CADM1: variants seen among roughly 807,000 people sequenced by gnomAD.
CADM1 encodes cell adhesion molecule 1.
A neutral mutation model predicts 53.1 loss-of-function variants in CADM1; 15 were observed. The ratio of observed to expected loss-of-function variants is 0.28; its 90% confidence interval spans 0.19 to 0.44. CADM1 has a LOEUF of 0.44. CADM1 is among the 20% of genes least tolerant of loss of function. CADM1 has a pLI of 1.00. For synonymous variants in CADM1, 281 were observed against 243.0 expected (o/e 1.16, Z -1.45); for missense variants, 434 against 611.3 (o/e 0.71, Z 3.06).
intron 1 of CADM1, among the ~76,000 whole-genome samples, chr11:115,383,131 T>C (rs1351899018): frequency 6.6e-6 from 1 of 152,212 alleles, no homozygotes; most frequent in Non-Finnish European, 1.5e-5. Context: ...ATGATTCTTC[T>C]ATAACATTTT....
intron 1 of CADM1, among the ~76,000 whole-genome samples, chr11:115,488,635 T>TGCCTACACATGAAATCTCTCCCC (rs1949429300): frequency 3.9e-5 from 6 of 152,244 alleles, no homozygotes; most frequent in Admixed American, 2.0e-4. Context: ...ATACTCTCTC[T>TGCCTACACATGAAATCTCTCCCC]GCCTACACAT....
intron 1 of CADM1, among the ~76,000 whole-genome samples, chr11:115,473,170 G>A (rs994478241): frequency 3.9e-5 from 6 of 152,218 alleles, no homozygotes; most frequent in Admixed American, 1.3e-4. Context: ...GGTTTAAAAA[G>A]TAAGCAGGCC....
chr11:115,494,356 T>TA (rs1394066327), intron 1 of CADM1, among the ~76,000 whole-genome samples: 1 of 152,204 alleles, frequency 6.6e-6, no homozygotes, highest in Non-Finnish European at 1.5e-5. Context: ...AAGTCATTTT[T>TA]AAATGCTCAT....
At chr11:115,345,028 G>A (rs1244341846) in intron 1 of CADM1, among the ~76,000 whole-genome samples, 1 of 151,934 alleles carries the variant, frequency 6.6e-6, no homozygotes, top group African/African-American at 2.4e-5. Context: ...CAAAGTATTC[G>A]GCAGAATCCC....
chr11:115,495,514 T>C (rs1055714125), intron 1 of CADM1, among the ~76,000 whole-genome samples: 4 of 152,198 alleles, frequency 2.6e-5, no homozygotes, highest in African/African-American at 4.8e-5. Context: ...AAAAGATCCT[T>C]ACGATAACAA....
intron 1 of CADM1, among the ~76,000 whole-genome samples, chr11:115,418,789 T>G (rs535574437): frequency 6.6e-6 from 1 of 152,310 alleles, no homozygotes; most frequent in African/African-American, 2.4e-5. Flanking sequence ...TAGGGTTTAA[T>G]TTACACAGAA....
intron 1 of CADM1, among the ~76,000 whole-genome samples, chr11:115,261,842 C>G (rs1467284267): frequency 6.7e-6 from 1 of 149,796 alleles, no homozygotes; most frequent in African/African-American, 2.5e-5. Flanking sequence ...TGCAGTGGTT[C>G]AATCTCGGCT....
intron 1 of CADM1, among the ~76,000 whole-genome samples, chr11:115,289,269 G>A (rs1290453773): frequency 1.3e-5 from 2 of 152,076 alleles, no homozygotes; most frequent in African/African-American, 4.8e-5. Context: ...GGAGGCTGAG[G>A]CAGGAGAATT....
chr11:115,351,479 A>G (rs1215325191), intron 1 of CADM1, among the ~76,000 whole-genome samples: 1 of 152,194 alleles, frequency 6.6e-6, no homozygotes, highest in Non-Finnish European at 1.5e-5. Context: ...CGATAAAAGA[A>G]TAATTTTTGT....
intron 1 of CADM1, among the ~76,000 whole-genome samples, chr11:115,430,441 T>C (rs1353301333): frequency 6.6e-6 from 1 of 152,232 alleles, no homozygotes; most frequent in Non-Finnish European, 1.5e-5. Flanking sequence ...TCTTGAATTA[T>C]AAACCTATCA....
intron 1 of CADM1, among the ~76,000 whole-genome samples, chr11:115,458,992 G>A (rs1389329574): frequency 6.6e-6 from 1 of 152,124 alleles, no homozygotes; most frequent in Non-Finnish European, 1.5e-5. Flanking sequence ...CACTCATCAT[G>A]TAAACAAAGA....
chr11:115,439,445 T>C (rs776935002), intron 1 of CADM1, among the ~76,000 whole-genome samples: 18 of 152,214 alleles, frequency 1.2e-4, no homozygotes, highest in Non-Finnish European at 2.5e-4. Context: ...CTAGTTCCTC[T>C]ATCCTGCCCT....
At chr11:115,283,980 C>T (rs928976271) in intron 1 of CADM1, among the ~76,000 whole-genome samples, 5 of 152,028 alleles carry the variant, frequency 3.3e-5, no homozygotes, top group South Asian at 2.1e-4. Flanking sequence ...TTTAAGGGAT[C>T]GGGTCCTAGA....
At position 115,238,525 on chromosome 11, in the gene CADM1, T is replaced by C. The variant is rs759521211; in HGVS notation, c.399A>G (p.Glu133=). ...FCQLYTDPPQ[E]SYTTITVLVP... ...CCAGGACTGTGATGGTGGTGTAACTTTCCTGTGGGGGATCGGTATAGAGCT... is the reference window on the plus strand; with the variant it reads ...CCAGGACTGTGATGGTGGTGTAACTCTCCTGTGGGGGATCGGTATAGAGCT... The change falls in exon 3 of 12, where the codon GAA becomes GAG. Residue 133 remains glutamate (E), a synonymous_variant. Coordinates refer to ENST00000331581, the MANE Select transcript of CADM1 (RefSeq NM_001301043.2). 1 of 1,613,904 alleles carries C rather than the reference T, an allele frequency of 6.2e-7. No homozygotes were observed. The highest frequency in any genetic ancestry group is 1.1e-5 in the South Asian group (1 of 91,080).
intron 1 of CADM1, among the ~76,000 whole-genome samples, chr11:115,466,700 T>C (rs189683860): frequency 5.9e-5 from 9 of 152,274 alleles, no homozygotes; most frequent in Admixed American, 5.9e-4. Flanking sequence ...TTCTTTCAAT[T>C]AGGATCTCGA....
chr11:115,278,784 A>G (rs1378798948), intron 1 of CADM1, among the ~76,000 whole-genome samples: 1 of 152,204 alleles, frequency 6.6e-6, no homozygotes, highest in Non-Finnish European at 1.5e-5. Context: ...TGAACCAGGG[A>G]GGGAGGAGCA....
intron 1 of CADM1, among the ~76,000 whole-genome samples, chr11:115,376,999 C>A (rs1013407107): frequency 1.3e-5 from 2 of 152,070 alleles, no homozygotes; most frequent in Admixed American, 6.6e-5. Context: ...AATGTCTAGC[C>A]GGCTTTAAAT....
intron 8 of CADM1, among the ~76,000 whole-genome samples, chr11:115,204,097 G>A (rs1433646901): frequency 6.6e-6 from 1 of 152,136 alleles, no homozygotes; most frequent in Admixed American, 6.5e-5. Flanking sequence ...AGAGAAAAAG[G>A]CAATTTAGTA....
intron 1 of CADM1, among the ~76,000 whole-genome samples, chr11:115,351,944 C>G (rs915246296): frequency 6.6e-6 from 1 of 152,150 alleles, no homozygotes; most frequent in Non-Finnish European, 1.5e-5. Flanking sequence ...AATGACAGCT[C>G]AACCTCTGGA....
Sources: allele counts gnomAD v4.1 joint callset (sites outside exome capture counted in the v4.1 genomes callset), GRCh38; gene constraint gnomAD v4.1.1; transcripts MANE v1.5; gene names NCBI Gene and HGNC (gene_info 2026-07-23, HGNC 2026-07-21).